The following GRHL2 variants were observed in gnomAD, a reference collection of about 807,000 sequenced individuals.
The protein encoded by GRHL2 is grainyhead like transcription factor 2, also known as grainyhead-like protein 2 homolog.
A neutral mutation model predicts 83.8 loss-of-function variants in GRHL2; 21 were observed. The observed-to-expected ratio is 0.25, with a 90% confidence interval of 0.18 to 0.36. The LOEUF (loss-of-function observed/expected upper bound fraction) is 0.36. Ranked by LOEUF, GRHL2 falls within the 10% of genes least tolerant of loss-of-function variation. The pLI is 1.00. For synonymous variants in GRHL2, 280 were observed against 278.9 expected (o/e 1.00, Z -0.04); for missense variants, 623 against 781.8 (o/e 0.80, Z 2.42).
downstream of GRHL2, among the ~76,000 whole-genome samples, chr8:101,670,253 C>G (rs1814183124): frequency 6.6e-6 from 1 of 152,194 alleles, no homozygotes; most frequent in Non-Finnish European, 1.5e-5. Context: ...TGGTGGGTAC[C>G]ACTCTGTGGA....
At chr8:101,663,148 A>C (rs1318342702) in intron 14 of GRHL2, among the ~76,000 whole-genome samples, 3 of 152,158 alleles carry the variant, frequency 2.0e-5, no homozygotes, top group Non-Finnish European at 4.4e-5. Flanking sequence ...TAGATATGGA[A>C]TATGTGGGTC....
intron 7 of GRHL2, among the ~76,000 whole-genome samples, chr8:101,584,009 G>A (rs1022763525): frequency 6.6e-6 from 1 of 152,202 alleles, no homozygotes; most frequent in African/African-American, 2.4e-5. Flanking sequence ...GATGTAGTGA[G>A]CCTGATTCCA....
rs557921587 is a variant in GRHL2 at position 101,666,897 on chromosome 8, G to A, written c.*194G>A. 5.0e-5 allele frequency: 32 copies of A among 643,844 alleles called. No individual in the cohort carries two copies. Among genetic ancestry groups the A allele is most frequent in the South Asian group, 7.0e-5 (4 of 56,806 alleles). 39.9% of individuals were successfully genotyped at this position (643,844 alleles called of 1,614,324 possible). A position where few individuals can be genotyped will look rare whatever the true frequency, so the allele number is the denominator to read the frequency against. On this transcript the variant is annotated 3_prime_UTR_variant, in exon 16 of 16. Coordinates refer to ENST00000646743, the MANE Select transcript of GRHL2 (RefSeq NM_024915.4). ...TGGCCCATCCACTGGCACCTACCACGGAGCTGAAGCCTGAGCCCCTCAGGA... is the reference window on the plus strand; with the variant it reads ...TGGCCCATCCACTGGCACCTACCACAGAGCTGAAGCCTGAGCCCCTCAGGA...
At chr8:101,558,979 G>T (rs1288993426) in intron 4 of GRHL2, among the ~76,000 whole-genome samples, 167 bp downstream of exon 4, 1 of 152,094 alleles carries the variant, frequency 6.6e-6, no homozygotes, top group Non-Finnish European at 1.5e-5. Flanking sequence ...TTCTAAACAG[G>T]TATTAATAAA....
chr8:101,654,959 G>C (rs1813753262), intron 14 of GRHL2, among the ~76,000 whole-genome samples: 1 of 152,186 alleles, frequency 6.6e-6, no homozygotes, highest in Non-Finnish European at 1.5e-5. Flanking sequence ...GAGGCGGGCA[G>C]ATCACCTGAG....
chr8:101,669,246 A>ATTTTTTTTTT lies in GRHL2; in HGVS notation c.*2550_*2551insTTTTTTTTTT, dbSNP rs1296511438. The ATTTTTTTTTT allele has an allele frequency of 1.0e-3, 10 of 9,726 alleles. No individual in the cohort carries two copies. Among genetic ancestry groups the ATTTTTTTTTT allele is most frequent in the Admixed American group, 2.5e-3 (2 of 800 alleles). 0.6% of individuals were successfully genotyped at this position (9,726 alleles called of 1,614,324 possible). On this transcript the variant is annotated 3_prime_UTR_variant, in exon 16 of 16. Transcript: ENST00000646743. ...AAGATCATGGACATGTGAAATGAGCATTTTTTTCTTTTTTTTTTTTAACAA... is the reference window on the plus strand; with the variant it reads ...AAGATCATGGACATGTGAAATGAGCATTTTTTTTTTTTTTTTTCTTTTTTTTTTTTAACAA...
chr8:101,637,198 C>T (rs184550968), intron 12 of GRHL2, among the ~76,000 whole-genome samples: 25 of 152,272 alleles, frequency 1.6e-4, no homozygotes, highest in African/African-American at 6.0e-4. Context: ...TCTAAGGGAC[C>T]GATCCCTTCC....
intron 4 of GRHL2, among the ~76,000 whole-genome samples, chr8:101,563,927 T>G (rs888527440): frequency 5.3e-5 from 8 of 152,216 alleles, no homozygotes; most frequent in African/African-American, 1.9e-4. Flanking sequence ...TGTAGAAATA[T>G]TCCATTAGTC....
chr8:101,653,620 T>C (rs1157582918), intron 14 of GRHL2, among the ~76,000 whole-genome samples: 2 of 152,054 alleles, frequency 1.3e-5, no homozygotes, highest in African/African-American at 2.4e-5. Context: ...GCATGCGCTG[T>C]AGTCCCAGCC....
intron 5 of GRHL2, among the ~76,000 whole-genome samples, chr8:101,572,444 A>G (rs1354999013): frequency 6.6e-6 from 1 of 152,244 alleles, no homozygotes; most frequent in Non-Finnish European, 1.5e-5. Context: ...TAAAAGTTAA[A>G]AAATAAATAA....
chr8:101,579,534 T>C (rs1812004880), intron 7 of GRHL2, among the ~76,000 whole-genome samples: 1 of 152,196 alleles, frequency 6.6e-6, no homozygotes, highest in Admixed American at 6.5e-5. Flanking sequence ...GCTTCCAACC[T>C]GAGAACAAGG....
intron 1 of GRHL2, among the ~76,000 whole-genome samples, chr8:101,497,721 A>G (rs1038786022): frequency 6.6e-6 from 1 of 152,222 alleles, no homozygotes; most frequent in Non-Finnish European, 1.5e-5. Context: ...AAATAGGGCA[A>G]CACTGCTTCA....
At chr8:101,506,077 A>G (rs948308410) in intron 1 of GRHL2, among the ~76,000 whole-genome samples, 3 of 152,230 alleles carry the variant, frequency 2.0e-5, no homozygotes, top group Non-Finnish European at 2.9e-5. Flanking sequence ...TTTTTATGAT[A>G]CAGAGATTTT....
chr8:101,589,843 G>C (rs1184422004), intron 7 of GRHL2, among the ~76,000 whole-genome samples: 1 of 152,098 alleles, frequency 6.6e-6, no homozygotes, highest in Non-Finnish European at 1.5e-5. Context: ...TATTGTCCTG[G>C]ATTATGTATG....
chr8:101,649,500 G>T lies in GRHL2; in HGVS notation c.1698+1G>T, dbSNP rs1813578706. On this transcript the variant is annotated splice_donor_variant, in intron 14 of 15. Transcript: ENST00000646743. LOFTEE classifies it high-confidence loss of function. Reference sequence around the variant, plus strand: ...CACAGTGAAGGGCCTGATGGAAGCGGTAAGCCATATACTCCTTTCAGCCTC... The same window carrying T: ...CACAGTGAAGGGCCTGATGGAAGCGTTAAGCCATATACTCCTTTCAGCCTC... The T allele has an allele frequency of 6.2e-7, 1 of 1,610,760 alleles. No homozygotes were observed.
intron 7 of GRHL2, among the ~76,000 whole-genome samples, chr8:101,591,289 T>C (rs951351872): frequency 6.6e-6 from 1 of 152,190 alleles, no homozygotes; most frequent in African/African-American, 2.4e-5. Context: ...CACTGCAACG[T>C]TTATCATCAT....
intron 6 of GRHL2, among the ~76,000 whole-genome samples, chr8:101,575,391 A>T (rs757701805): frequency 5.3e-5 from 8 of 152,162 alleles, no homozygotes; most frequent in Admixed American, 2.6e-4. Context: ...ATAATTTAAT[A>T]AGAAAATTTT....
At position 101,492,558 on chromosome 8, in the gene GRHL2, G is replaced by C. The variant is rs768526692; in HGVS notation, c.-212G>C. 6.4e-5 allele frequency: 42 copies of C among 653,940 alleles called. No homozygotes were observed. The highest frequency in any genetic ancestry group is 7.1e-5 in the South Asian group (4 of 56,328). 40.5% of individuals were successfully genotyped at this position (653,940 alleles called of 1,614,324 possible). ...TCCGAGCTCGGGCCCCATGTGAGGG[G>C]CCCCCCCTTATCCCACCTTTCCGGC... On this transcript the variant is annotated 5_prime_UTR_variant, in exon 1 of 16. Coordinates refer to ENST00000646743, the MANE Select transcript of GRHL2 (RefSeq NM_024915.4).
In GRHL2 at chr8:101,575,666, A is replaced by G. The variant is rs552551179; in HGVS notation, c.892-1742A>G. ...TTTATCATTGAAGAAATGAATTTCCATACCAAGAATATGCCATTATTTATG... is the reference window on the plus strand; with the variant it reads ...TTTATCATTGAAGAAATGAATTTCCGTACCAAGAATATGCCATTATTTATG... On this transcript the variant is annotated intron_variant, in intron 6 of 15. Coordinates refer to ENST00000646743, the MANE Select transcript of GRHL2 (RefSeq NM_024915.4). Among the ~76,000 whole-genome samples the G allele has an allele frequency of 3.9e-5, 6 of 152,382 alleles. No individual in the cohort carries two copies. In the East Asian group the frequency reaches 7.7e-4, roughly 20 times the overall value.
Sources: gnomAD v4.1 joint callset for allele counts (sites outside exome capture counted in the v4.1 genomes callset) on GRCh38, gnomAD v4.1.1 for gene constraint, MANE v1.5 for transcripts, NCBI Gene and HGNC (gene_info 2026-07-23, HGNC 2026-07-21) for gene names.